Variants in TP63 observed in about 807,000 individuals in gnomAD.
TP63 encodes tumor protein 63.
A neutral mutation model predicts 82.8 loss-of-function variants in TP63; 17 were observed. The ratio of observed to expected loss-of-function variants is 0.21; its 90% CI spans 0.14 to 0.31. The LOEUF is 0.31. Among genes scored for constraint, TP63 ranks in the 10% least tolerant of loss-of-function variants. The pLI is 1.00. For missense variants in TP63, 648 were observed against 895.3 expected (o/e 0.72, Z 3.52); for synonymous variants, 330 against 321.7 (o/e 1.03, Z -0.28).
the TP63 span, among the ~76,000 whole-genome samples, chr3:189,607,325 G>A: frequency 1.3e-5 from 2 of 152,136 alleles, no homozygotes; most frequent in African/African-American, 4.8e-5. Context: ...ATTGACAAGC[G>A]TGTCATAGAA....
At chr3:189,886,140 C>T (rs1048802124) in intron 10 of TP63, among the ~76,000 whole-genome samples, 3 of 152,162 alleles carry the variant, frequency 2.0e-5, no homozygotes, top group African/African-American at 7.2e-5. Context: ...TTCTCTTTCT[C>T]AAAGGAAATA....
At chr3:189,759,031 T>A (rs750705464) in intron 3 of TP63, among the ~76,000 whole-genome samples, 1 of 152,218 alleles carries the variant, frequency 6.6e-6, no homozygotes, top group Non-Finnish European at 1.5e-5. Context: ...CCTTTGCCAG[T>A]CTAATGATTA....
At chr3:189,598,843 A>G in the TP63 span, among the ~76,000 whole-genome samples, 2 of 152,154 alleles carry the variant, frequency 1.3e-5, no homozygotes, top group Non-Finnish European at 1.5e-5. Context: ...AATCAGAATC[A>G]TAGAGTTTCT....
chr3:189,852,255 T>C (rs1266821210), intron 4 of TP63, among the ~76,000 whole-genome samples: 1 of 152,218 alleles, frequency 6.6e-6, no homozygotes, highest in Admixed American at 6.5e-5. Flanking sequence ...AATTGGCCTA[T>C]TAATTCCAGT....
chr3:189,836,800 G>T (rs1329902982), intron 4 of TP63, among the ~76,000 whole-genome samples: 1 of 152,180 alleles, frequency 6.6e-6, no homozygotes, highest in Non-Finnish European at 1.5e-5. Flanking sequence ...ACTGCATGAT[G>T]ACCTGTAAGC....
At chr3:189,871,082 A>G (rs1227464314) in intron 9 of TP63, among the ~76,000 whole-genome samples, 1 of 152,148 alleles carries the variant, frequency 6.6e-6, no homozygotes, top group Non-Finnish European at 1.5e-5. Flanking sequence ...AAGTCTTAAT[A>G]TGTTTTCAGC....
intron 1 of TP63, among the ~76,000 whole-genome samples, chr3:189,708,840 T>C (rs1718385576): frequency 6.6e-6 from 1 of 152,234 alleles, no homozygotes; most frequent in Non-Finnish European, 1.5e-5. Flanking sequence ...TTACTCCTCT[T>C]AGACTTCTTT....
chr3:189,877,437 T>C (rs1292564091), intron 10 of TP63, among the ~76,000 whole-genome samples: 1 of 152,222 alleles, frequency 6.6e-6, no homozygotes, highest in African/African-American at 2.4e-5. Flanking sequence ...TTGTTTTCCC[T>C]TATTCTTGGC....
At chr3:189,742,348 A>T (rs1008969820) in intron 3 of TP63, among the ~76,000 whole-genome samples, 1 of 151,972 alleles carries the variant, frequency 6.6e-6, no homozygotes, top group Non-Finnish European at 1.5e-5. Context: ...GTAGATAATA[A>T]TATTAACACT....
chr3:189,636,198 C>T (rs190742165), intron 1 of TP63, among the ~76,000 whole-genome samples: 6 of 152,178 alleles, frequency 3.9e-5, no homozygotes, highest in East Asian at 3.9e-4. Context: ...AGCACAATGC[C>T]GCTCTATTAC....
intron 1 of TP63, among the ~76,000 whole-genome samples, chr3:189,703,481 A>G (rs1045879537): frequency 1.6e-4 from 14 of 84,900 alleles, no homozygotes; most frequent in South Asian, 3.8e-4. Flanking sequence ...CCCTGATGCT[A>G]TTTTCTAGGG....
chr3:189,647,107 G>A (rs1212895382), intron 1 of TP63, among the ~76,000 whole-genome samples: 4 of 146,584 alleles, frequency 2.7e-5, no homozygotes, highest in Admixed American at 6.7e-5. Flanking sequence ...GCACTTGGTC[G>A]CTTCCAAGAA....
intron 4 of TP63, among the ~76,000 whole-genome samples, chr3:189,831,870 C>G (rs1712407503): frequency 7.3e-6 from 1 of 137,540 alleles, no homozygotes; most frequent in Non-Finnish European, 1.5e-5. Context: ...CACTCTGTCA[C>G]CCAGGCTGGA....
intron 4 of TP63, among the ~76,000 whole-genome samples, chr3:189,861,897 T>G (rs976535173): frequency 6.6e-6 from 1 of 152,226 alleles, no homozygotes; most frequent in Non-Finnish European, 1.5e-5. Context: ...ACATTTATTT[T>G]CTTATTTATA....
chr3:189,814,409 T>C (rs953838648), intron 4 of TP63, among the ~76,000 whole-genome samples: 2 of 152,204 alleles, frequency 1.3e-5, no homozygotes, highest in African/African-American at 4.8e-5. Context: ...TTAGATTTTA[T>C]TGGTGAGGGG....
chr3:189,738,197 C>T (rs1033379563), intron 2 of TP63, among the ~76,000 whole-genome samples: 1 of 152,182 alleles, frequency 6.6e-6, no homozygotes, highest in African/African-American at 2.4e-5. Context: ...CAGGTACTCA[C>T]TGAGAAGATA....
chr3:189,642,418 G>A (rs1002774805), intron 1 of TP63, among the ~76,000 whole-genome samples: 8 of 152,146 alleles, frequency 5.3e-5, no homozygotes, highest in African/African-American at 1.7e-4. Flanking sequence ...GTAGTTACTA[G>A]TATTATTTCT....
chr3:189,764,489 GC>G (rs1360576509), intron 3 of TP63, among the ~76,000 whole-genome samples: 1 of 152,116 alleles, frequency 6.6e-6, no homozygotes, highest in Non-Finnish European at 1.5e-5. Context: ...TGCAGTATAA[GC>G]TTTTTACTGG....
chr3:189,644,002 T>A (rs570830540), intron 1 of TP63, among the ~76,000 whole-genome samples: 16 of 152,204 alleles, frequency 1.1e-4, no homozygotes, highest in Non-Finnish European at 1.8e-4. Context: ...CTGTGGCATC[T>A]CATCTGCCAG....
Sources: allele counts gnomAD v4.1 joint callset (sites outside exome capture counted in the v4.1 genomes callset), GRCh38; gene constraint gnomAD v4.1.1; transcripts MANE v1.5; gene names NCBI Gene and HGNC (gene_info 2026-07-23, HGNC 2026-07-21).